The following ADD2 variants were observed in gnomAD, a reference collection of about 807,000 sequenced individuals.
ADD2 encodes beta-adducin.
A neutral mutation model predicts 83.0 loss-of-function variants in ADD2; 23 were observed. That is an observed-to-expected ratio of 0.28 (90% CI 0.20 to 0.39). ADD2 has a LOEUF of 0.39. ADD2 is among the 10% of genes least tolerant of loss of function. The pLI, the probability that ADD2 is intolerant of heterozygous loss-of-function variation, is 1.00. For synonymous variants in ADD2, 375 were observed against 375.4 expected (o/e 1.00, Z 0.01); for missense variants, 758 against 944.9 (o/e 0.80, Z 2.59).
chr2:70,764,755 G>A (rs1574338849), intron 1 of ADD2, among the ~76,000 whole-genome samples: 1 of 151,824 alleles, frequency 6.6e-6, no homozygotes, highest in African/African-American at 2.4e-5. Flanking sequence ...CTGCATTCCA[G>A]CCTGGGTAAC....
intron 1 of ADD2, among the ~76,000 whole-genome samples, chr2:70,757,285 TTG>T (rs1385172457): frequency 9.1e-5 from 1 of 11,020 alleles, no homozygotes; most frequent in Non-Finnish European, 2.1e-4. Flanking sequence ...GATAAGGGAT[TTG>T]TGGGGGGGGG....
chr2:70,758,401 G>A lies in ADD2; in HGVS notation c.-154+9485C>T, dbSNP rs572759862. ...ACTGGCTGGATAAAAGGTGGGGAGA[G>A]GGCATATAAGGAGGTGGAAAGAGTT... On this transcript the variant is annotated intron_variant, in intron 1 of 15. Transcript: ENST00000264436. Among the ~76,000 whole-genome samples the A allele has an allele frequency of 2.0e-5, 3 of 152,110 alleles. No homozygotes were observed. In the South Asian group the frequency reaches 6.2e-4, roughly 32 times the overall value.
At chr2:70,696,099 G>T (rs1206674388) in intron 5 of ADD2, 146 bp downstream of exon 5, 11 of 1,147,772 alleles carry the variant, frequency 9.6e-6, no homozygotes, top group Non-Finnish European at 4.9e-6. Context: ...AATGACCACA[G>T]TGGTTAAAAA....
chr2:70,719,478 C>G (rs570018030), intron 1 of ADD2, among the ~76,000 whole-genome samples: 30 of 152,300 alleles, frequency 2.0e-4, no homozygotes, highest in African/African-American at 7.2e-4. Context: ...ACCCACTCAT[C>G]AGCAGCCTCT....
intron 1 of ADD2, among the ~76,000 whole-genome samples, chr2:70,715,734 TCACCACACACCGCAGCCTCCCCAGC>T (rs1346670309): frequency 6.6e-6 from 1 of 152,104 alleles, no homozygotes; most frequent in Non-Finnish European, 1.5e-5. Context: ...TCACTCCTGC[TCACCACACACCGCAGCCTCCCCAGC>T]CCCCTCCTCT....
chr2:70,688,469 GT>G (rs1166459447), intron 8 of ADD2, among the ~76,000 whole-genome samples: 1 of 152,230 alleles, frequency 6.6e-6, no homozygotes, highest in African/African-American at 2.4e-5. Context: ...CAATGCCTGG[GT>G]TTTTAGGCCT....
At position 70,713,137 on chromosome 2, in the gene ADD2, T is replaced by C; in HGVS notation, c.-106A>G. 1 of 984,658 alleles carries C rather than the reference T, an allele frequency of 1.0e-6. No individual in the cohort carries two copies. Among genetic ancestry groups the C allele is most frequent in the Non-Finnish European group, 1.2e-6 (1 of 829,760 alleles). The allele number at this position is 984,658 out of a possible 1,614,324, so 61.0% of individuals were successfully genotyped here. On this transcript the variant is annotated 5_prime_UTR_variant, in exon 2 of 16. Transcript: ENST00000264436. ...CAGTCTGCACCCCCTAGCTCCACTC[T>C]CAAGGGTGCCGGCCACATCTACACA...
intron 15 of ADD2, among the ~76,000 whole-genome samples, chr2:70,667,683 G>A (rs1669702436): frequency 6.6e-6 from 1 of 152,088 alleles, no homozygotes; most frequent in African/African-American, 2.4e-5. Flanking sequence ...GTGTAATGGT[G>A]CAATAACTCA....
intron 1 of ADD2, among the ~76,000 whole-genome samples, chr2:70,718,723 G>A (rs1553376842): frequency 6.6e-6 from 1 of 152,204 alleles, no homozygotes; most frequent in Non-Finnish European, 1.5e-5. Flanking sequence ...TGAGGCTGCA[G>A]GAACCTGGGT....
intron 11 of ADD2, 103 bp downstream of exon 11, chr2:70,678,601 C>T: frequency 6.8e-7 from 1 of 1,462,528 alleles, no homozygotes; most frequent in East Asian, 2.4e-5. Flanking sequence ...ATGCTACTAA[C>T]CTGGGGCAGG....
At position 70,657,361 on chromosome 2, in the gene ADD2, GC is replaced by G. The variant is rs1330832040; in HGVS notation, c.*6063del. 6.6e-6 allele frequency: 1 copy of G among 152,212 alleles called. No individual in the cohort carries two copies. Among genetic ancestry groups the G allele is most frequent in the Non-Finnish European group, 1.5e-5 (1 of 68,050 alleles). 9.4% of individuals were successfully genotyped at this position (152,212 alleles called of 1,614,324 possible). On this transcript the variant is annotated 3_prime_UTR_variant, in exon 16 of 16. Coordinates refer to ENST00000264436, the MANE Select transcript of ADD2 (RefSeq NM_001617.4). ...TTCTATCTAGACTGGGTTCCTGCTT[GC>G]CTGCACCCCAGCCAGGCGATCTCAG...
In ADD2 at chr2:70,676,330, C is replaced by T; in HGVS notation, c.1593+466G>A. On this transcript the variant is annotated intron_variant, in intron 13 of 15. Transcript: ENST00000264436. The surrounding 1 kb of genome is among the most constrained non-coding windows in gnomAD (Gnocchi z 4.8). ...TTCCCATCCTGTAGGAGCATGGGTCCTGTCTATATACCCCTTCTCTATGGG... is the reference window on the plus strand; with the variant it reads ...TTCCCATCCTGTAGGAGCATGGGTCTTGTCTATATACCCCTTCTCTATGGG... The T allele has an allele frequency of 9.8e-7, 1 of 1,022,898 alleles. No individual in the cohort carries two copies. The highest frequency in any genetic ancestry group is 1.2e-6 in the Non-Finnish European group (1 of 854,620). The allele number at this position is 1,022,898 out of a possible 1,614,324, so 63.4% of individuals were successfully genotyped here. A position where few individuals can be genotyped will look rare whatever the true frequency, so the allele number is the denominator to read the frequency against.
chr2:70,733,252 G>T (rs558936421), intron 1 of ADD2, among the ~76,000 whole-genome samples: 6 of 152,144 alleles, frequency 3.9e-5, no homozygotes, highest in Non-Finnish European at 7.4e-5. Context: ...CTGCTGGCTC[G>T]TCTTCTCCCC....
Position 70,747,364 on chromosome 2 carries a change from G to C in ADD2, c.-154+20522C>G, listed in dbSNP as rs781798557. Among the ~76,000 whole-genome samples the C allele has an allele frequency of 4.5e-4, 68 of 152,058 alleles. No homozygotes were observed. In the Middle Eastern group the frequency reaches 0.024, roughly 53 times the overall value. ...AGCTGAACCTCAAGATTACAATCCA[G>C]AGCTGTATGGTAAGTGCTCTCCCAT... On this transcript the variant is annotated intron_variant, in intron 1 of 15. Transcript: ENST00000264436.
chr2:70,752,366 T>C (rs1465960144), intron 1 of ADD2, among the ~76,000 whole-genome samples: 1 of 152,178 alleles, frequency 6.6e-6, no homozygotes, highest in Non-Finnish European at 1.5e-5. Context: ...ACTTTTCTTA[T>C]CCAAGAAATG....
intron 15 of ADD2, among the ~76,000 whole-genome samples, chr2:70,671,647 A>T (rs1669899551): frequency 6.6e-6 from 1 of 152,204 alleles, no homozygotes; most frequent in South Asian, 2.1e-4. Context: ...CATTGTGGAG[A>T]CAGGTTGACA....
At chr2:70,670,586 G>A (rs1669855726) in intron 15 of ADD2, among the ~76,000 whole-genome samples, 1 of 152,222 alleles carries the variant, frequency 6.6e-6, no homozygotes, top group Non-Finnish European at 1.5e-5. Context: ...GGCTGATGGG[G>A]TAGGAGTCAG....
rs782750256 is a variant in ADD2 at position 70,692,559 on chromosome 2, C to A, written c.556-7G>T. 1 of 1,593,428 alleles carries A rather than the reference C, an allele frequency of 6.3e-7. No homozygotes were observed. The highest frequency in any genetic ancestry group is 8.5e-7 in the Non-Finnish European group (1 of 1,170,670). On this transcript the variant is annotated splice_polypyrimidine_tract_variant and splice_region_variant and intron_variant, in intron 6 of 15. Coordinates refer to ENST00000264436, the MANE Select transcript of ADD2 (RefSeq NM_001617.4). Reference sequence around the variant, plus strand: ...CCAGAATGTTCACCTTGATCTGCGCCAGGGAAGAAGAGAGACTTATGGCAA... The same window carrying A: ...CCAGAATGTTCACCTTGATCTGCGCAAGGGAAGAAGAGAGACTTATGGCAA...
intron 1 of ADD2, among the ~76,000 whole-genome samples, chr2:70,729,559 C>T (rs1296506113): frequency 2.6e-5 from 4 of 152,116 alleles, no homozygotes; most frequent in South Asian, 4.1e-4. Context: ...AAAAGACTCA[C>T]GGGTACTTAG....
Sources: allele counts gnomAD v4.1 joint callset (sites outside exome capture counted in the v4.1 genomes callset), GRCh38; gene constraint gnomAD v4.1.1; non-coding constraint Gnocchi (gnomAD v3.1); transcripts MANE v1.5; gene names NCBI Gene and HGNC (gene_info 2026-07-23, HGNC 2026-07-21).